Variants in MAML2 observed in about 807,000 individuals in gnomAD.
The protein encoded by MAML2 is mastermind like transcriptional coactivator 2.
A neutral mutation model predicts 96.1 loss-of-function variants in MAML2; 22 were observed. That is an observed-to-expected ratio of 0.23 (90% CI 0.16 to 0.33). The LOEUF is 0.33. Ranked by LOEUF, MAML2 falls within the 10% of genes least tolerant of loss-of-function variation. The pLI is 1.00. For missense variants in MAML2, 1,367 were observed against 1,392.4 expected (o/e 0.98, Z 0.29); for synonymous variants, 561 against 521.3 (o/e 1.08, Z -1.04).
At chr11:96,174,568 G>C (rs951088102) in intron 1 of MAML2, among the ~76,000 whole-genome samples, 3 of 152,138 alleles carry the variant, frequency 2.0e-5, no homozygotes, top group South Asian at 4.1e-4. Flanking sequence ...ATTTTTAGTA[G>C]AGACGGGGTT....
At chr11:96,084,663 G>C (rs1410803137) in intron 2 of MAML2, among the ~76,000 whole-genome samples, 1 of 152,174 alleles carries the variant, frequency 6.6e-6, no homozygotes, top group Non-Finnish European at 1.5e-5. Flanking sequence ...TGGTCTGCAG[G>C]GAAAGGGTCA....
intron 3 of MAML2, among the ~76,000 whole-genome samples, chr11:95,988,499 G>T (rs557154856): frequency 4.1e-5 from 6 of 147,194 alleles, no homozygotes; most frequent in African/African-American, 1.5e-4. Context: ...CTAAACTGTT[G>T]TTCAAAGGGT....
chr11:96,319,355 C>T (rs1253894914), intron 1 of MAML2, among the ~76,000 whole-genome samples: 1 of 152,168 alleles, frequency 6.6e-6, no homozygotes, highest in African/African-American at 2.4e-5. Context: ...AAAAGTCTGA[C>T]CCTTAGAAAA....
chr11:96,281,067 C>T (rs546021937), intron 1 of MAML2, among the ~76,000 whole-genome samples: 49 of 152,114 alleles, frequency 3.2e-4, no homozygotes, highest in Non-Finnish European at 5.9e-4. Context: ...CAAATTAATG[C>T]ATTATTTGCA....
At chr11:96,225,046 G>C (rs1290151271) in intron 1 of MAML2, among the ~76,000 whole-genome samples, 1 of 152,192 alleles carries the variant, frequency 6.6e-6, no homozygotes, top group Non-Finnish European at 1.5e-5. Flanking sequence ...CTCTGGGGGA[G>C]TTTCAATGTT....
At chr11:96,280,751 G>C (rs1337998807) in intron 1 of MAML2, among the ~76,000 whole-genome samples, 5 of 152,202 alleles carry the variant, frequency 3.3e-5, no homozygotes, top group Non-Finnish European at 7.3e-5. Context: ...GGGACATAAT[G>C]ATGAGTGGTA....
At chr11:96,116,559 TG>T (rs1230194161) in intron 1 of MAML2, among the ~76,000 whole-genome samples, 1 of 152,190 alleles carries the variant, frequency 6.6e-6, no homozygotes, top group Non-Finnish European at 1.5e-5. Context: ...AGACAGGTTT[TG>T]TACTCAACTG....
intron 2 of MAML2, among the ~76,000 whole-genome samples, chr11:96,046,955 T>C (rs996952761): frequency 1.3e-5 from 2 of 152,218 alleles, no homozygotes; most frequent in Admixed American, 6.5e-5. Flanking sequence ...TTTGTTAGAA[T>C]TGACTCTTGA....
chr11:96,065,438 C>G (rs984020554), intron 2 of MAML2, among the ~76,000 whole-genome samples: 17 of 152,094 alleles, frequency 1.1e-4, no homozygotes, highest in African/African-American at 3.6e-4. Context: ...CACACACACA[C>G]ACACAGGAAA....
At chr11:96,328,383 A>C in intron 1 of MAML2, among the ~76,000 whole-genome samples, 1 of 152,170 alleles carries the variant, frequency 6.6e-6, no homozygotes, top group East Asian at 1.9e-4. Context: ...CCAACCTAAC[A>C]ATGAAGCTGA....
chr11:96,243,571 T>A (rs1321786081), intron 1 of MAML2, among the ~76,000 whole-genome samples: 1 of 152,064 alleles, frequency 6.6e-6, no homozygotes, highest in African/African-American at 2.4e-5. Flanking sequence ...AGACTGTTTT[T>A]CCCATACCTC....
intron 2 of MAML2, among the ~76,000 whole-genome samples, chr11:96,003,480 G>A (rs1221216818): frequency 6.6e-6 from 1 of 151,960 alleles, no homozygotes; most frequent in African/African-American, 2.4e-5. Flanking sequence ...AAAGGCGATT[G>A]AGCTTAGTAA....
chr11:96,122,980 A>AGTT (rs1219893745), intron 1 of MAML2, among the ~76,000 whole-genome samples: 1 of 152,240 alleles, frequency 6.6e-6, no homozygotes, highest in Non-Finnish European at 1.5e-5. Context: ...CAGGGACTGT[A>AGTT]GTTGACTCAT....
At chr11:95,998,449 T>G (rs1369956832) in intron 2 of MAML2, among the ~76,000 whole-genome samples, 1 of 152,186 alleles carries the variant, frequency 6.6e-6, no homozygotes, top group Non-Finnish European at 1.5e-5. Flanking sequence ...AGGTACTGAC[T>G]AAGAATAACC....
chr11:96,282,257 A>AATG (rs1863081967), intron 1 of MAML2, among the ~76,000 whole-genome samples: 1 of 134,216 alleles, frequency 7.5e-6, no homozygotes, highest in Non-Finnish European at 1.6e-5. Flanking sequence ...TCAAAAAAAA[A>AATG]ATAATAATAA....
chr11:96,187,577 G>A (rs1861592654), intron 1 of MAML2, among the ~76,000 whole-genome samples: 1 of 152,130 alleles, frequency 6.6e-6, no homozygotes, highest in Non-Finnish European at 1.5e-5. Context: ...GGGAGGCCGA[G>A]GGTGGTGGAT....
intron 1 of MAML2, among the ~76,000 whole-genome samples, chr11:96,178,039 T>A (rs3021468): frequency 0.076 from 7,356 of 96,698 alleles, 649 homozygotes; most frequent in African/African-American, 0.21. Flanking sequence ...AAAAAAAAAA[T>A]AAATATCACA....
intron 1 of MAML2, among the ~76,000 whole-genome samples, chr11:96,114,076 T>C (rs775435185): frequency 5.3e-5 from 8 of 152,100 alleles, no homozygotes; most frequent in Non-Finnish European, 7.4e-5. Flanking sequence ...CTAATTTAAT[T>C]ATCTTTAATT....
rs4753185 is a variant in MAML2, at chr11:96,015,699, G to T, written c.2140-23976C>A. 8.8e-3 allele frequency among the ~76,000 whole-genome samples: 1,333 copies of T among 151,386 alleles called. 55 individuals carry two copies. Among genetic ancestry groups the T allele is most frequent in the Admixed American group, 0.072 (1,088 of 15,174 alleles). Reference sequence around the variant, plus strand: ...AAGTGACCTGAAAAATAAGTGAATTGTCTGCAGGCTTTATGGCATTAGATA... The same window carrying T: ...AAGTGACCTGAAAAATAAGTGAATTTTCTGCAGGCTTTATGGCATTAGATA... On this transcript the variant is annotated intron_variant, in intron 2 of 4. Transcript: ENST00000524717.
Sources: allele counts gnomAD v4.1 joint callset (sites outside exome capture counted in the v4.1 genomes callset), GRCh38; gene constraint gnomAD v4.1.1; transcripts MANE v1.5; gene names NCBI Gene and HGNC (gene_info 2026-07-23, HGNC 2026-07-21).